Variants in ANO3 observed in about 807,000 individuals in gnomAD.
ANO3 encodes the protein anoctamin 3.
In ANO3, 99 loss-of-function variants were observed where a neutral mutation model predicts 144.8. The observed-to-expected ratio is 0.68, with a 90% CI of 0.58 to 0.81. The LOEUF (loss-of-function observed/expected upper bound fraction) is 0.81. Ranked by LOEUF, ANO3 falls within the 30% of genes least tolerant of loss-of-function variation. The probability of loss-of-function intolerance (pLI) is 0.00; values close to 1 mark genes in which losing one functional copy is unlikely to be tolerated. For missense variants in ANO3, 905 were observed against 1,202.2 expected, an observed-to-expected ratio of 0.75 and a Z score of 3.66; for synonymous variants, 414 against 392.6, an observed-to-expected ratio of 1.05 and a Z score of -0.64.
In ANO3 at chr11:26,270,759, G is replaced by A. The variant is rs190040492; in HGVS notation, c.155-38886G>A. 1.9e-3 allele frequency among the ~76,000 whole-genome samples: 293 copies of A among 152,306 alleles called. 3 individuals carry two copies. The highest frequency in any genetic ancestry group is 8.4e-4 in the Non-Finnish European group (57 of 68,034). ...CAAAAGTTTATAATCTATTGGGGTA[G>A]GCAGCTACACTACAATCTGCTGAAT... On this transcript the variant is annotated intron_variant, in intron 1 of 27. Coordinates refer to the ANO3 transcript ENST00000672621.
upstream of ANO3, among the ~76,000 whole-genome samples, chr11:26,305,490 T>A (rs2133866209): frequency 6.6e-6 from 1 of 151,946 alleles, no homozygotes; most frequent in African/African-American, 2.4e-5. Flanking sequence ...AGAGACCTAA[T>A]GTTTGTCTTA....
intron 1 of ANO3, among the ~76,000 whole-genome samples, chr11:26,249,106 C>T (rs1852867078): frequency 6.6e-6 from 1 of 152,108 alleles, no homozygotes; most frequent in Non-Finnish European, 1.5e-5. Flanking sequence ...AGACAAAATA[C>T]TGACCATAGC....
chr11:26,483,675 G>A (rs117028506), intron 4 of ANO3, among the ~76,000 whole-genome samples: 11,437 of 152,170 alleles, frequency 0.075, 604 homozygotes, highest in Admixed American at 0.13. Context: ...GTCTCAGATA[G>A]TTCTTTATAG....
chr11:26,276,107 A>G (rs1397778376), intron 1 of ANO3, among the ~76,000 whole-genome samples: 1 of 152,184 alleles, frequency 6.6e-6, no homozygotes, highest in Non-Finnish European at 1.5e-5. Flanking sequence ...TTTGCATATC[A>G]GCAAACAGTT....
At chr11:26,644,594 C>T (rs1385188873) in intron 23 of ANO3, among the ~76,000 whole-genome samples, 1 of 152,170 alleles carries the variant, frequency 6.6e-6, no homozygotes, top group Non-Finnish European at 1.5e-5. Context: ...TTCTCTATTT[C>T]TGCAACAACT....
intron 1 of ANO3, among the ~76,000 whole-genome samples, chr11:26,339,120 T>C (rs564225640): frequency 1.1e-3 from 163 of 152,262 alleles, no homozygotes; most frequent in African/African-American, 3.7e-3. Flanking sequence ...GATCTAGGGT[T>C]TGAACGCAGC....
chr11:26,569,482 C>A (rs1850733231), intron 14 of ANO3, among the ~76,000 whole-genome samples: 1 of 152,052 alleles, frequency 6.6e-6, no homozygotes, highest in Non-Finnish European at 1.5e-5. Context: ...ACTCAGGTTC[C>A]TTTCATCTTA....
intron 1 of ANO3, among the ~76,000 whole-genome samples, chr11:26,249,950 C>T (rs1357780412): frequency 6.6e-6 from 1 of 152,144 alleles, no homozygotes; most frequent in Non-Finnish European, 1.5e-5. Flanking sequence ...CACCTCCACT[C>T]TCATTGCAAT....
At position 26,661,327 on chromosome 11, in the gene ANO3, GAA is replaced by G; in HGVS notation, c.*884_*885del. 1 of 152,580 alleles carries G rather than the reference GAA, an allele frequency of 6.6e-6. No homozygotes were observed. Among genetic ancestry groups the G allele is most frequent in the African/African-American group, 2.4e-5 (1 of 41,522 alleles). The allele number at this position is 152,580 out of a possible 1,614,324, so 9.5% of individuals were successfully genotyped here. A position where few individuals can be genotyped will look rare whatever the true frequency, so the allele number is the denominator to read the frequency against. ...TCTATGATTTATTACAACTCTCACGGAATATTAACTTGAAATGCTGTAAATAC... is the reference window on the plus strand; with the variant it reads ...TCTATGATTTATTACAACTCTCACGGTATTAACTTGAAATGCTGTAAATAC... On this transcript the variant is annotated 3_prime_UTR_variant, in exon 27 of 27. Transcript: ENST00000256737.
At chr11:26,483,616 C>A (rs535403831) in intron 4 of ANO3, among the ~76,000 whole-genome samples, 1 of 152,282 alleles carries the variant, frequency 6.6e-6, no homozygotes, top group South Asian at 2.1e-4. Context: ...TCCTATACAG[C>A]CTGCAGAACC....
intron 1 of ANO3, among the ~76,000 whole-genome samples, chr11:26,249,298 A>C (rs1354411642): frequency 1.3e-5 from 2 of 152,226 alleles, no homozygotes; most frequent in East Asian, 3.8e-4. Flanking sequence ...GCAACAGGTT[A>C]CTTAAAAAAA....
intron 4 of ANO3, among the ~76,000 whole-genome samples, chr11:26,500,190 T>C (rs1861136924): frequency 6.6e-6 from 1 of 152,142 alleles, no homozygotes; most frequent in South Asian, 2.1e-4. Flanking sequence ...ATGTGCCACA[T>C]TATTTATGTA....
chr11:26,321,096 T>C (rs1854749060), intron 1 of ANO3, among the ~76,000 whole-genome samples: 1 of 152,126 alleles, frequency 6.6e-6, no homozygotes, highest in African/African-American at 2.4e-5. Context: ...TACTGTTTTC[T>C]CATTTATTAC....
At chr11:26,208,948 A>G (rs78691887) in intron 1 of ANO3, among the ~76,000 whole-genome samples, 2,321 of 152,304 alleles carry the variant, frequency 0.015, 52 homozygotes, top group East Asian at 0.13. Context: ...CTCTTCCTGT[A>G]AATGAAAAAG....
At chr11:26,569,781 A>G (rs1850746773) in intron 14 of ANO3, among the ~76,000 whole-genome samples, 1 of 152,112 alleles carries the variant, frequency 6.6e-6, no homozygotes, top group Non-Finnish European at 1.5e-5. Context: ...TAAAGCTGAA[A>G]TGATGATGGA....
chr11:26,523,161 G>A (rs1862153168), intron 6 of ANO3, among the ~76,000 whole-genome samples: 1 of 152,088 alleles, frequency 6.6e-6, no homozygotes, highest in African/African-American at 2.4e-5. Flanking sequence ...CAGATCTCGT[G>A]AGAACTCACT....
At chr11:26,202,480 A>C (rs1851716288) in intron 1 of ANO3, among the ~76,000 whole-genome samples, 1 of 151,454 alleles carries the variant, frequency 6.6e-6, no homozygotes, top group Admixed American at 6.6e-5. Context: ...TTTTAAGGCA[A>C]CATTATTTGT....
At chr11:26,329,905 C>T (rs1031583411), upstream of ANO3, among the ~76,000 whole-genome samples, 2 of 151,788 alleles carry the variant, frequency 1.3e-5, no homozygotes, top group South Asian at 4.2e-4. Flanking sequence ...CTCCGCCTCC[C>T]GGGTTCAAGC....
chr11:26,638,212 T>G (rs1452101275), intron 20 of ANO3, among the ~76,000 whole-genome samples: 1 of 151,504 alleles, frequency 6.6e-6, no homozygotes, highest in Admixed American at 6.6e-5. Flanking sequence ...TTCTAAAAAA[T>G]AGAACAGAAA....
Sources: allele counts gnomAD v4.1 joint callset (sites outside exome capture counted in the v4.1 genomes callset), GRCh38; gene constraint gnomAD v4.1.1; transcripts MANE v1.5; gene names NCBI Gene and HGNC (gene_info 2026-07-23, HGNC 2026-07-21).